PCCA: variants seen among roughly 807,000 people sequenced by gnomAD.
PCCA encodes the protein propionyl-CoA carboxylase alpha chain, mitochondrial.
Under a neutral mutation model 101.3 loss-of-function variants are expected in PCCA, and 74 were observed. The ratio of observed to expected loss-of-function variants is 0.73; its 90% CI spans 0.61 to 0.89. PCCA has a LOEUF of 0.89. Ranked by LOEUF, PCCA falls within the 40% of genes least tolerant of loss-of-function variation. The pLI, the probability that PCCA is intolerant of heterozygous loss-of-function variation, is 0.00. For synonymous variants in PCCA, 294 were observed against 313.6 expected (o/e 0.94, Z 0.66); for missense variants, 891 against 907.0 (o/e 0.98, Z 0.23).
intron 16 of PCCA, among the ~76,000 whole-genome samples, chr13:100,329,671 C>A (rs947336159): frequency 2.6e-5 from 4 of 152,070 alleles, no homozygotes; most frequent in Non-Finnish European, 5.9e-5. Context: ...TGAACCATTT[C>A]TTGGATTGTG....
At chr13:100,207,507 AGTAGCT>A (rs2058933870) in intron 6 of PCCA, among the ~76,000 whole-genome samples, 1 of 151,916 alleles carries the variant, frequency 6.6e-6, no homozygotes, top group Admixed American at 6.6e-5. Context: ...CAGCCTCCCA[AGTAGCT>A]GGGATTACAG....
chr13:100,102,986 C>G (rs1283702519), intron 2 of PCCA, 26 bp downstream of exon 2: 2 of 1,404,816 alleles, frequency 1.4e-6, no homozygotes, highest in Non-Finnish European at 2.0e-6. Flanking sequence ...ATATTCTCAA[C>G]AACTAAATTA....
At chr13:100,354,762 A>G (rs1289973029) in intron 18 of PCCA, among the ~76,000 whole-genome samples, 2 of 152,230 alleles carry the variant, frequency 1.3e-5, no homozygotes, top group East Asian at 1.9e-4. Context: ...GGAGAAATTC[A>G]TAGAAAGATA....
intron 18 of PCCA, among the ~76,000 whole-genome samples, chr13:100,342,050 TAG>T (rs2071452016): frequency 6.6e-6 from 1 of 150,448 alleles, no homozygotes; most frequent in Non-Finnish European, 1.5e-5. Context: ...TTTGCATAAT[TAG>T]AGTCATAAAC....
intron 4 of PCCA, among the ~76,000 whole-genome samples, chr13:100,134,974 T>G: frequency 6.7e-6 from 1 of 150,350 alleles, no homozygotes; most frequent in African/African-American, 2.5e-5. Flanking sequence ...ACTCCTGGGC[T>G]CAAGTGATCC....
intron 18 of PCCA, among the ~76,000 whole-genome samples, chr13:100,360,757 T>C (rs2045382719): frequency 6.6e-6 from 1 of 152,126 alleles, no homozygotes; most frequent in African/African-American, 2.4e-5. Flanking sequence ...GTTTGGCAGT[T>C]TCTTACACAG....
At position 100,201,191 on chromosome 13, in the gene PCCA, T is replaced by G. The variant is rs181859982; in HGVS notation, c.469-8141T>G. Among the ~76,000 whole-genome samples, 403 of 152,270 alleles carry G rather than the reference T, an allele frequency of 2.6e-3. 2 individuals carry two copies. Among genetic ancestry groups the G allele is most frequent in the African/African-American group, 9.2e-3 (383 of 41,562 alleles). On this transcript the variant is annotated intron_variant, in intron 6 of 23. Coordinates refer to ENST00000376285, the MANE Select transcript of PCCA (RefSeq NM_000282.4). Reference sequence around the variant, plus strand: ...GAAAATGTGGCTGTTATCTATAAGGTTTTATATATATATCTCCTTAGCTTT... The same window carrying G: ...GAAAATGTGGCTGTTATCTATAAGGGTTTATATATATATCTCCTTAGCTTT...
At chr13:100,318,029 C>T (rs1357420276) in intron 16 of PCCA, among the ~76,000 whole-genome samples, 1 of 152,146 alleles carries the variant, frequency 6.6e-6, no homozygotes, top group East Asian at 1.9e-4. Context: ...GCAATTGTCC[C>T]CTAAGGAATT....
At chr13:100,420,882 T>A (rs890314281) in intron 19 of PCCA, among the ~76,000 whole-genome samples, 8 of 152,016 alleles carry the variant, frequency 5.3e-5, no homozygotes, top group African/African-American at 1.7e-4. Flanking sequence ...CATATTGTAA[T>A]GACAGAGAAA....
chr13:100,172,340 A>T (rs1285877517), intron 6 of PCCA, among the ~76,000 whole-genome samples: 2 of 152,122 alleles, frequency 1.3e-5, no homozygotes, highest in South Asian at 2.1e-4. Flanking sequence ...AGTTTTTTTT[A>T]AAAACAAATA....
At chr13:100,313,113 T>C (rs1001445692) in intron 16 of PCCA, among the ~76,000 whole-genome samples, 1 of 152,204 alleles carries the variant, frequency 6.6e-6, no homozygotes, top group Non-Finnish European at 1.5e-5. Context: ...CTTTGCCTTT[T>C]CCTCTTCCTT....
At chr13:100,133,163 CCTT>C (rs2050727701) in intron 4 of PCCA, among the ~76,000 whole-genome samples, 1 of 151,982 alleles carries the variant, frequency 6.6e-6, no homozygotes, top group African/African-American at 2.4e-5. Flanking sequence ...ATGATGATGA[CCTT>C]CTTCTCATGT....
intron 21 of PCCA, among the ~76,000 whole-genome samples, chr13:100,514,857 A>G (rs947555556): frequency 6.6e-6 from 1 of 152,248 alleles, no homozygotes; most frequent in African/African-American, 2.4e-5. Flanking sequence ...AGAAAAGCCA[A>G]CGTTTTCAGT....
intron 16 of PCCA, among the ~76,000 whole-genome samples, chr13:100,322,280 G>T (rs552469589): frequency 6.6e-6 from 1 of 152,078 alleles, no homozygotes; most frequent in African/African-American, 2.4e-5. Flanking sequence ...CGGAAGTTGC[G>T]TACATCACTT....
intron 4 of PCCA, among the ~76,000 whole-genome samples, chr13:100,127,592 A>G (rs776641281): frequency 6.6e-6 from 1 of 152,158 alleles, no homozygotes; most frequent in Non-Finnish European, 1.5e-5. Flanking sequence ...AAAAGCATAC[A>G]TATAATAAAA....
chr13:100,330,816 C>G (rs1045230055), intron 17 of PCCA, 145 bp downstream of exon 17: 2 of 636,226 alleles, frequency 3.1e-6, no homozygotes, highest in East Asian at 2.8e-5. Context: ...TGTTTACATT[C>G]ATGATTTTGA....
intron 7 of PCCA, among the ~76,000 whole-genome samples, chr13:100,229,610 C>G (rs1429002210): frequency 5.9e-5 from 9 of 152,178 alleles, no homozygotes; most frequent in Non-Finnish European, 1.2e-4. Flanking sequence ...TTCCTTTGTT[C>G]TCCTCTGCCG....
chr13:100,453,566 T>G (rs1222712062), intron 21 of PCCA, among the ~76,000 whole-genome samples: 1 of 152,056 alleles, frequency 6.6e-6, no homozygotes, highest in African/African-American at 2.4e-5. Flanking sequence ...TAAGCTGTCT[T>G]CCATGGATAA....
chr13:100,459,749 A>G (rs1387111363), intron 21 of PCCA, among the ~76,000 whole-genome samples: 1 of 152,206 alleles, frequency 6.6e-6, no homozygotes, highest in Non-Finnish European at 1.5e-5. Context: ...ATAATGAAAC[A>G]CCATTGACCG....
Sources: allele counts gnomAD v4.1 joint callset (sites outside exome capture counted in the v4.1 genomes callset), GRCh38; gene constraint gnomAD v4.1.1; transcripts MANE v1.5; gene names NCBI Gene and HGNC (gene_info 2026-07-23, HGNC 2026-07-21).